The following UBR3 variants were observed in gnomAD, a reference collection of about 807,000 sequenced individuals.
UBR3 encodes ubiquitin protein ligase E3 component n-recognin 3, also known as E3 ubiquitin-protein ligase UBR3.
A neutral mutation model predicts 243.2 loss-of-function variants in UBR3; 85 were observed. The ratio of observed to expected loss-of-function variants is 0.35; its 90% CI spans 0.29 to 0.42. UBR3 has a LOEUF of 0.42. Ranked by LOEUF, UBR3 falls within the 10% of genes least tolerant of loss-of-function variation. The pLI is 1.00. For missense variants in UBR3, 1,686 were observed against 2,300.8 expected (o/e 0.73, Z 5.47); for synonymous variants, 748 against 799.8 (o/e 0.94, Z 1.09).
In UBR3 at chr2:169,949,672, A is replaced by G. The variant is rs1283777032; in HGVS notation, c.3152A>G (p.Asn1051Ser). ...ERRKKFQEII[N>S]RSSSEANQVV... ...AGAAAGAAATTTCAGGAAATCATCAATCGCAGTAGCAGTGAAGCAAATCAG... is the reference window on the plus strand; with the variant it reads ...AGAAAGAAATTTCAGGAAATCATCAGTCGCAGTAGCAGTGAAGCAAATCAG... Residue 1051 changes from asparagine (N) to serine (S), a missense_variant, in exon 23 of 39, where the codon AAT (asparagine) becomes AGT (serine). Around this residue, in one of 8 missense-constraint regions of UBR3, gnomAD observed 300 missense variants for 314.4 expected, o/e 0.95. Transcript: ENST00000272793. The G allele has an allele frequency of 4.5e-6, 7 of 1,551,242 alleles. No individual in the cohort carries two copies. Among genetic ancestry groups the G allele is most frequent in the Non-Finnish European group, 6.1e-6 (7 of 1,146,648 alleles).
At position 170,061,365 on chromosome 2, in the gene UBR3, G is replaced by A; in HGVS notation, c.4941G>A (p.Gln1647=). 1 of 1,614,068 alleles carries A rather than the reference G, an allele frequency of 6.2e-7. No individual in the cohort carries two copies. The highest frequency in any genetic ancestry group is 8.5e-7 in the Non-Finnish European group (1 of 1,179,970). Residue 1647 remains glutamine (Q), a synonymous_variant, in exon 35 of 39, where the codon CAG becomes CAA. Transcript: ENST00000272793. ...CTGAATCCATGGAAAAATGCTTACA[G>A]GACTTCTGCTTACCTTTTCTCAGAA... The part of the protein sequence containing the change: ...WSPESMEKCL[Q]DFCLPFLRIT...
intron 1 of UBR3, 83 bp from the exon 2 acceptor site, chr2:169,872,153 C>T: frequency 2.0e-6 from 2 of 978,834 alleles, no homozygotes; most frequent in South Asian, 2.4e-5. Context: ...GCCTATATTC[C>T]ATTTACGAAT....
At chr2:169,984,817 A>G (rs1255237272) in intron 24 of UBR3, among the ~76,000 whole-genome samples, 1 of 152,204 alleles carries the variant, frequency 6.6e-6, no homozygotes, top group African/African-American at 2.4e-5. Flanking sequence ...TTTTAAAGTC[A>G]GATTTCAAAT....
chr2:170,017,546 G>GACACACAC (rs34813217), intron 30 of UBR3, among the ~76,000 whole-genome samples: 174 of 125,804 alleles, frequency 1.4e-3, no homozygotes, highest in African/African-American at 5.5e-3. Flanking sequence ...CACACACACA[G>GACACACAC]ACACACACAC....
intron 30 of UBR3, among the ~76,000 whole-genome samples, chr2:170,016,107 AATAT>A (rs67143026): frequency 0.64 from 97,218 of 151,162 alleles, 31,956 homozygotes; most frequent in East Asian, 0.83. Flanking sequence ...TTGAAAAATG[AATAT>A]ATATTCTCAA....
chr2:169,908,061 A>C (rs193273172), intron 10 of UBR3, among the ~76,000 whole-genome samples: 1 of 152,110 alleles, frequency 6.6e-6, no homozygotes, highest in East Asian at 1.9e-4. Flanking sequence ...CTCTCCCTCC[A>C]TGCCTTTATT....
At chr2:169,857,068 T>A (rs1456791753) in intron 1 of UBR3, among the ~76,000 whole-genome samples, 1 of 84,614 alleles carries the variant, frequency 1.2e-5, no homozygotes, top group Admixed American at 1.2e-4. Flanking sequence ...TATTATGTTT[T>A]TTTTTTTTTT....
intron 5 of UBR3, among the ~76,000 whole-genome samples, chr2:169,886,469 C>T (rs1015321147): frequency 2.6e-5 from 4 of 152,114 alleles, no homozygotes; most frequent in African/African-American, 4.8e-5. Context: ...TTGTAACTTT[C>T]GCATATTTCT....
intron 24 of UBR3, among the ~76,000 whole-genome samples, chr2:169,969,789 TCCGCCCAC>T (rs1559143607): frequency 6.6e-6 from 1 of 151,796 alleles, no homozygotes; most frequent in African/African-American, 2.4e-5. Flanking sequence ...GACCTCGTGA[TCCGCCCAC>T]CTCCGCCTCC....
chr2:169,996,693 G>GT (rs397871702), intron 26 of UBR3, among the ~76,000 whole-genome samples: 3,446 of 64,462 alleles, frequency 0.053, 139 homozygotes, highest in African/African-American at 0.09. Flanking sequence ...TTGGACTTTT[G>GT]TTTTTTTTTT....
chr2:169,900,744 C>G lies in UBR3; in HGVS notation c.1465+4009C>G, dbSNP rs535542257. 4.0e-5 allele frequency among the ~76,000 whole-genome samples: 6 copies of G among 151,348 alleles called. 1 individual carries two copies. Among genetic ancestry groups the G allele is most frequent in the African/African-American group, 1.5e-4 (6 of 41,270 alleles). On this transcript the variant is annotated intron_variant, in intron 8 of 38. Coordinates refer to ENST00000272793, the MANE Select transcript of UBR3 (RefSeq NM_172070.4). ...AACAAGATGAGTCTTAAACCTGCCT[C>G]CCTTTTTTTTTTTTAATAGCTAGCT...
At chr2:169,963,967 A>G (rs892571733) in intron 24 of UBR3, among the ~76,000 whole-genome samples, 2 of 152,186 alleles carry the variant, frequency 1.3e-5, no homozygotes, top group African/African-American at 4.8e-5. Context: ...TACTTTTAAC[A>G]TGCATGCCTT....
At chr2:170,080,768 C>T in intron 38 of UBR3, 84 bp downstream of exon 38, 1 of 1,407,198 alleles carries the variant, frequency 7.1e-7, no homozygotes, top group Non-Finnish European at 9.5e-7. Context: ...TTTGTAATTA[C>T]AATTTTTTTA....
chr2:169,881,722 A>T (rs1236397462), intron 5 of UBR3, among the ~76,000 whole-genome samples: 5 of 138,594 alleles, frequency 3.6e-5, no homozygotes, highest in African/African-American at 1.3e-4. Context: ...GTATATGTAT[A>T]TTTATATTAT....
chr2:169,908,821 CTT>C (rs11388865), intron 10 of UBR3, among the ~76,000 whole-genome samples: 16,234 of 123,590 alleles, frequency 0.13, 1,045 homozygotes, highest in East Asian at 0.37. Flanking sequence ...GTGATTGGTC[CTT>C]TTTTTTTTTT....
chr2:169,910,911 G>C (rs184053472), intron 10 of UBR3, among the ~76,000 whole-genome samples: 5 of 152,170 alleles, frequency 3.3e-5, no homozygotes, highest in Admixed American at 2.6e-4. Context: ...TTTAGCTGCA[G>C]TGCTGTCAGG....
In UBR3 at chr2:170,016,856, T is replaced by A. The variant is rs1057352610; in HGVS notation, c.4453+1490T>A. On this transcript the variant is annotated intron_variant, in intron 30 of 38. Coordinates refer to ENST00000272793, the MANE Select transcript of UBR3 (RefSeq NM_172070.4). The stretch of plus-strand genomic sequence containing the variant: ...AGACTTTTGCTTCATTATTTTTCCC[T>A]TTACTAAATCAGAAATTATACTGTG... 18 of 855,366 alleles carry A rather than the reference T, an allele frequency of 2.1e-5. No individual in the cohort carries two copies. In the African/African-American group the frequency reaches 3.1e-4, roughly 15 times the overall value. The allele number at this position is 855,366 out of a possible 1,614,324, so 53.0% of individuals were successfully genotyped here. A position where few individuals can be genotyped will look rare whatever the true frequency, so the allele number is the denominator to read the frequency against.
intron 27 of UBR3, among the ~76,000 whole-genome samples, chr2:170,004,766 C>G (rs1396610603): frequency 6.6e-6 from 1 of 151,898 alleles, no homozygotes; most frequent in Non-Finnish European, 1.5e-5. Context: ...CAAAAATTAG[C>G]TGGGTGTGGT....
At chr2:170,050,404 A>G (rs1027962522) in intron 32 of UBR3, among the ~76,000 whole-genome samples, 1 of 152,184 alleles carries the variant, frequency 6.6e-6, no homozygotes, top group Non-Finnish European at 1.5e-5. Context: ...TGATAGGAAC[A>G]GAATAAAATG....
Sources: allele counts gnomAD v4.1 joint callset (sites outside exome capture counted in the v4.1 genomes callset), GRCh38; gene constraint gnomAD v4.1.1; regional missense constraint gnomAD v4.1.1; transcripts MANE v1.5; gene names NCBI Gene and HGNC (gene_info 2026-07-23, HGNC 2026-07-21).